SDK1: variants seen among roughly 807,000 people sequenced by gnomAD.
The protein encoded by SDK1 is sidekick cell adhesion molecule 1, also known as protein sidekick-1.
Under a neutral mutation model 245.5 loss-of-function variants are expected in SDK1, and 157 were observed. That is an observed-to-expected ratio of 0.64 (90% CI 0.56 to 0.73). The LOEUF is 0.73. Among genes scored for constraint, SDK1 ranks in the 30% least tolerant of loss-of-function variants. The pLI, the probability that SDK1 is intolerant of heterozygous loss-of-function variation, is 0.00. For missense variants in SDK1, 3,583 were observed against 3,002.3 expected, an observed-to-expected ratio of 1.19 and a Z score of -4.52; for synonymous variants, 1,647 against 1,278.5, an observed-to-expected ratio of 1.29 and a Z score of -6.15.
intron 28 of SDK1, among the ~76,000 whole-genome samples, chr7:4,138,844 A>G (rs900059499): frequency 1.3e-5 from 2 of 152,184 alleles, no homozygotes; most frequent in African/African-American, 4.8e-5. Flanking sequence ...CAAGACAGCT[A>G]CAGTTATCTC....
chr7:4,061,751 G>A (rs1779554739), intron 19 of SDK1, among the ~76,000 whole-genome samples: 1 of 152,020 alleles, frequency 6.6e-6, no homozygotes, highest in Admixed American at 6.6e-5. Context: ...AACAATGATA[G>A]ACTGGATTAA....
chr7:3,333,989 A>G (rs1335315345), intron 1 of SDK1, among the ~76,000 whole-genome samples: 1 of 152,188 alleles, frequency 6.6e-6, no homozygotes, highest in Non-Finnish European at 1.5e-5. Context: ...GCCGCTGTCC[A>G]CAAGAGTAAA....
intron 4 of SDK1, among the ~76,000 whole-genome samples, chr7:3,732,241 G>A (rs867605249): frequency 6.6e-6 from 1 of 152,328 alleles, no homozygotes; most frequent in African/African-American, 2.4e-5. Flanking sequence ...TCAGTAGAGC[G>A]TGGGAAAACG....
At chr7:3,845,432 G>A (rs1268803894) in intron 5 of SDK1, among the ~76,000 whole-genome samples, 1 of 145,920 alleles carries the variant, frequency 6.9e-6, no homozygotes, top group Non-Finnish European at 1.5e-5. Flanking sequence ...AGAGGTTGCA[G>A]TGAGCCGAGA....
rs540745242 is a variant in SDK1 at position 4,098,921 on chromosome 7, C to T, written c.3325-11742C>T. On this transcript the variant is annotated intron_variant, in intron 22 of 44. Transcript: ENST00000404826. ...TTCCTGAGCTCAAGCGATCCTCCTGCCCCAGCCTCCCAAAGTGCTGGGATT... is the reference window on the plus strand; with the variant it reads ...TTCCTGAGCTCAAGCGATCCTCCTGTCCCAGCCTCCCAAAGTGCTGGGATT... 3.3e-5 allele frequency among the ~76,000 whole-genome samples: 5 copies of T among 150,508 alleles called. No individual in the cohort carries two copies. The South Asian group carries it at 1.1e-3, about 32-fold the overall frequency.
chr7:4,075,754 G>A lies in SDK1; in HGVS notation c.3011-1244G>A, dbSNP rs191785529. ...ACTGCAACCTCCGCCTCCCAGGTTCGAGTGATTCTCGTGCCTCAGCCTTCC... is the reference window on the plus strand; with the variant it reads ...ACTGCAACCTCCGCCTCCCAGGTTCAAGTGATTCTCGTGCCTCAGCCTTCC... On this transcript the variant is annotated intron_variant, in intron 20 of 44. Coordinates refer to ENST00000404826, the MANE Select transcript of SDK1 (RefSeq NM_152744.4). Among the ~76,000 whole-genome samples the A allele has an allele frequency of 3.7e-3, 566 of 151,646 alleles. 3 individuals are homozygous for A. Among genetic ancestry groups the A allele is most frequent in the South Asian group, 0.031 (147 of 4,800 alleles).
chr7:3,631,952 T>G (rs1341537344), intron 2 of SDK1, among the ~76,000 whole-genome samples: 6 of 152,202 alleles, frequency 3.9e-5, no homozygotes. Context: ...TTTTTTCCAT[T>G]ATGCGTTGGA....
At position 3,607,592 on chromosome 7, in the gene SDK1, C is replaced by G. The variant is rs933579609; in HGVS notation, c.299-11488C>G. 3.3e-5 allele frequency among the ~76,000 whole-genome samples: 5 copies of G among 152,188 alleles called. No homozygotes were observed. The South Asian group carries it at 8.3e-4, about 25-fold the overall frequency. On this transcript the variant is annotated intron_variant, in intron 1 of 44. Coordinates refer to ENST00000404826, the MANE Select transcript of SDK1 (RefSeq NM_152744.4). ...TAATCAAACCAATATCTAGACTTCT[C>G]TAGAATTCTGAAGTAATTGAAAGTA...
intron 44 of SDK1, among the ~76,000 whole-genome samples, chr7:4,263,379 G>A (rs1394766510): frequency 2.6e-5 from 4 of 151,462 alleles, no homozygotes; most frequent in African/African-American, 9.7e-5. Context: ...GACCTCTGCT[G>A]GGTGGGGAGG....
At chr7:3,493,924 C>G (rs1781943427) in intron 1 of SDK1, among the ~76,000 whole-genome samples, 1 of 152,210 alleles carries the variant, frequency 6.6e-6, no homozygotes, top group African/African-American at 2.4e-5. Flanking sequence ...AAGCAGCTCA[C>G]AAGTCATCAA....
chr7:3,335,862 C>T (rs1450783067), intron 1 of SDK1, among the ~76,000 whole-genome samples: 1 of 150,664 alleles, frequency 6.6e-6, no homozygotes, highest in African/African-American at 2.5e-5. Context: ...TTTCTCTCTA[C>T]CCTCTTAGGA....
intron 1 of SDK1, among the ~76,000 whole-genome samples, chr7:3,469,284 A>G (rs1488729433): frequency 6.6e-6 from 1 of 152,162 alleles, no homozygotes; most frequent in Non-Finnish European, 1.5e-5. Flanking sequence ...ATGAAACATT[A>G]GTCAGGGGTG....
intron 17 of SDK1, among the ~76,000 whole-genome samples, chr7:4,045,428 T>A (rs1788948875): frequency 6.6e-6 from 1 of 151,956 alleles, no homozygotes; most frequent in South Asian, 2.1e-4. Context: ...TTTTTTTTTG[T>A]AGGGACGGGG....
At chr7:4,231,693 T>C (rs1311635060) in intron 40 of SDK1, among the ~76,000 whole-genome samples, 1 of 152,216 alleles carries the variant, frequency 6.6e-6, no homozygotes, top group Non-Finnish European at 1.5e-5. Flanking sequence ...TTTGTACCTT[T>C]AAAATCTCAT....
intron 1 of SDK1, among the ~76,000 whole-genome samples, chr7:3,607,898 G>A (rs894371511): frequency 6.6e-6 from 1 of 152,254 alleles, no homozygotes; most frequent in African/African-American, 2.4e-5. Flanking sequence ...TAGAGCAGCA[G>A]TTCCCAAAGT....
intron 14 of SDK1, among the ~76,000 whole-genome samples, chr7:3,989,623 T>C (rs74393800): frequency 0.024 from 3,585 of 152,210 alleles, 134 homozygotes; most frequent in African/African-American, 0.075. Flanking sequence ...AGTGGTGCAC[T>C]CTCGGGTACC....
At position 3,600,034 on chromosome 7, in the gene SDK1, C is replaced by A. The variant is rs577741762; in HGVS notation, c.299-19046C>A. 2.0e-5 allele frequency among the ~76,000 whole-genome samples: 3 copies of A among 152,100 alleles called. No homozygotes were observed. In the East Asian group the frequency reaches 5.8e-4, roughly 29 times the overall value. The stretch of plus-strand genomic sequence containing the variant: ...TGGTTGCATAGATTTTACATTTTTA[C>A]TATGTTGAGTCTTTAATTCTATGGA... On this transcript the variant is annotated intron_variant, in intron 1 of 44. Coordinates refer to ENST00000404826, the MANE Select transcript of SDK1 (RefSeq NM_152744.4).
chr7:3,393,559 A>G (rs984149183), intron 1 of SDK1, among the ~76,000 whole-genome samples: 1 of 152,214 alleles, frequency 6.6e-6, no homozygotes, highest in Admixed American at 6.5e-5. Context: ...AAGAGTAGAT[A>G]AAACTGGATT....
chr7:3,773,478 C>T (rs919164010), intron 4 of SDK1, among the ~76,000 whole-genome samples: 114 of 152,100 alleles, frequency 7.5e-4, no homozygotes, highest in African/African-American at 2.7e-3. Flanking sequence ...TTTCTTTGAG[C>T]ATCTTCAAGA....
Sources: allele counts gnomAD v4.1 joint callset (sites outside exome capture counted in the v4.1 genomes callset), GRCh38; gene constraint gnomAD v4.1.1; transcripts MANE v1.5; gene names NCBI Gene and HGNC (gene_info 2026-07-23, HGNC 2026-07-21).